FBXW10B: variants seen among roughly 807,000 people sequenced by gnomAD.
FBXW10B encodes the protein F-box and WD repeat domain containing protein 10B.
the FBXW10B span, among the ~76,000 whole-genome samples, chr17:15,590,855 AC>A: frequency 6.6e-6 from 1 of 152,152 alleles, no homozygotes; most frequent in Admixed American, 6.5e-5. Flanking sequence ...TGATGGAGAC[AC>A]CCCCATCCCT....
At chr17:15,585,730 G>A in the FBXW10B span, among the ~76,000 whole-genome samples, 2 of 152,166 alleles carry the variant, frequency 1.3e-5, no homozygotes, top group Non-Finnish European at 2.9e-5. Flanking sequence ...ATAATAAGTA[G>A]ATGTTATTGT....
At chr17:15,569,493 G>T in the FBXW10B span, among the ~76,000 whole-genome samples, 2 of 64,536 alleles carry the variant, frequency 3.1e-5, no homozygotes, top group African/African-American at 1.3e-4. Flanking sequence ...GACAGGTCTT[G>T]CTCTGTTACT....
the FBXW10B span, among the ~76,000 whole-genome samples, chr17:15,585,931 A>G: frequency 6.7e-6 from 1 of 148,950 alleles, no homozygotes; most frequent in East Asian, 2.0e-4. Flanking sequence ...CCTGTTATAT[A>G]TTCATTTTCT....
At chr17:15,609,859 T>TTTTTTTC in the FBXW10B span, among the ~76,000 whole-genome samples, 2 of 137,304 alleles carry the variant, frequency 1.5e-5, no homozygotes, top group Middle Eastern at 3.5e-3. Context: ...TTTCTTTTTT[T>TTTTTTTC]TTTTTTTTTT....
At chr17:15,604,155 T>A in the FBXW10B span, among the ~76,000 whole-genome samples, 1 of 149,970 alleles carries the variant, frequency 6.7e-6, no homozygotes. Flanking sequence ...TATGATACAA[T>A]CATCCAATTT....
chr17:15,616,685 T>C, the FBXW10B span, among the ~76,000 whole-genome samples: 4 of 151,578 alleles, frequency 2.6e-5, no homozygotes, highest in Non-Finnish European at 4.4e-5. Flanking sequence ...GGCAGGCACC[T>C]GTAGTCCCAG....
chr17:15,569,280 C>T, the FBXW10B span, among the ~76,000 whole-genome samples: 1 of 151,940 alleles, frequency 6.6e-6, no homozygotes, highest in African/African-American at 2.4e-5. Context: ...GTTCCCTTTC[C>T]TCTGCATCCT....
At chr17:15,601,647 G>A in the FBXW10B span, among the ~76,000 whole-genome samples, 2 of 152,152 alleles carry the variant, frequency 1.3e-5, no homozygotes, top group Non-Finnish European at 2.9e-5. Flanking sequence ...GGACTTTTAT[G>A]AAGAAAACTT....
At chr17:15,612,931 G>C in the FBXW10B span, 1 of 1,425,478 alleles carries the variant, frequency 7.0e-7, no homozygotes, top group South Asian at 1.4e-5. Context: ...CTGAAGGATG[G>C]GTAAGCCCTG....
the FBXW10B span, among the ~76,000 whole-genome samples, chr17:15,604,314 A>G: frequency 6.6e-6 from 1 of 152,172 alleles, no homozygotes; most frequent in East Asian, 1.9e-4. Context: ...AGGCACAAGT[A>G]ACTAATACTT....
At chr17:15,566,011 T>G in the FBXW10B span, 1 of 1,610,644 alleles carries the variant, frequency 6.2e-7, no homozygotes, top group Non-Finnish European at 8.5e-7. Context: ...GATCTTCAAG[T>G]TGGGCTGCAG....
At chr17:15,610,497 TGGCCCACTGTTTTACTTG>T in the FBXW10B span, among the ~76,000 whole-genome samples, 2 of 152,226 alleles carry the variant, frequency 1.3e-5, no homozygotes, top group Non-Finnish European at 2.9e-5. Flanking sequence ...GTGCTCATGA[TGGCCCACTGTTTTACTTG>T]GGCCCACTGT....
the FBXW10B span, among the ~76,000 whole-genome samples, chr17:15,613,150 G>A: frequency 1.3e-5 from 2 of 152,014 alleles, no homozygotes; most frequent in African/African-American, 4.8e-5. Flanking sequence ...ATGGTTTAGG[G>A]TGAGACTTCT....
the FBXW10B span, among the ~76,000 whole-genome samples, chr17:15,597,847 C>T: frequency 1.3e-5 from 2 of 152,184 alleles, no homozygotes; most frequent in Admixed American, 6.6e-5. Flanking sequence ...ACATGCTCAT[C>T]GTCACAAGAC....
the FBXW10B span, among the ~76,000 whole-genome samples, chr17:15,604,541 T>C: frequency 6.6e-6 from 1 of 152,150 alleles, no homozygotes; most frequent in Non-Finnish European, 1.5e-5. Flanking sequence ...GTGGTTGTTT[T>C]TGGGTTTTTT....
At chr17:15,593,477 G>C in the FBXW10B span, 1 of 1,614,118 alleles carries the variant, frequency 6.2e-7, no homozygotes, top group South Asian at 1.1e-5. Context: ...GGAAGAGAAG[G>C]GACACGTCGA....
At chr17:15,574,067 GTCT>G in the FBXW10B span, 7 of 695,564 alleles carry the variant, frequency 1.0e-5, no homozygotes, top group African/African-American at 1.8e-5. Flanking sequence ...GGAATGTCTC[GTCT>G]TCTTCATCTG....
At chr17:15,598,733 T>C in the FBXW10B span, 1 of 1,575,336 alleles carries the variant, frequency 6.3e-7, no homozygotes, top group Non-Finnish European at 8.6e-7. Flanking sequence ...TGTAGATAAT[T>C]AGTTAGTTGG....
chr17:15,569,455 C>CTTTTTA, the FBXW10B span, among the ~76,000 whole-genome samples: 9 of 59,190 alleles, frequency 1.5e-4, no homozygotes, highest in Non-Finnish European at 2.0e-4. Flanking sequence ...TTTTCTTTTT[C>CTTTTTA]TTTTTTTTTT....
Sources: allele counts gnomAD v4.1 joint callset (sites outside exome capture counted in the v4.1 genomes callset), GRCh38; gene constraint gnomAD v4.1.1; transcripts MANE v1.5; gene names NCBI Gene and HGNC (gene_info 2026-07-23, HGNC 2026-07-21).